Variants in CNTNAP2 observed in about 807,000 individuals in gnomAD.
CNTNAP2 encodes the protein contactin associated protein 2.
CNTNAP2 carries 98 observed loss-of-function variants against 155.2 expected under a neutral mutation model. The observed-to-expected ratio is 0.63, with a 90% confidence interval of 0.54 to 0.75. The LOEUF is 0.75. Among genes scored for constraint, CNTNAP2 ranks in the 30% least tolerant of loss-of-function variants. The probability of loss-of-function intolerance (pLI) is 0.00; values close to 1 mark genes in which losing one functional copy is unlikely to be tolerated. For missense variants in CNTNAP2, 1,727 were observed against 1,688.1 expected, an observed-to-expected ratio of 1.02 and a Z score of -0.40; for synonymous variants, 651 against 631.2, an observed-to-expected ratio of 1.03 and a Z score of -0.47.
intron 15 of CNTNAP2, among the ~76,000 whole-genome samples, chr7:148,116,381 A>G (rs80057375): frequency 0.011 from 1,647 of 152,284 alleles, 36 homozygotes; most frequent in African/African-American, 0.038. Flanking sequence ...CTTATCAGCA[A>G]TCAGAAACCA....
intron 1 of CNTNAP2, among the ~76,000 whole-genome samples, chr7:146,218,375 G>A (rs1198916867): frequency 2.6e-5 from 4 of 152,094 alleles, no homozygotes; most frequent in Non-Finnish European, 5.9e-5. Context: ...CGGGCGTGGT[G>A]GCGGGCGCCC....
intron 13 of CNTNAP2, among the ~76,000 whole-genome samples, chr7:147,873,416 G>T (rs1025250825): frequency 6.6e-6 from 1 of 152,158 alleles, no homozygotes; most frequent in Non-Finnish European, 1.5e-5. Context: ...GAACACAAAG[G>T]AAGGGCAAAG....
intron 1 of CNTNAP2, among the ~76,000 whole-genome samples, chr7:146,127,555 G>A (rs1349939373): frequency 2.6e-5 from 4 of 152,188 alleles, no homozygotes; most frequent in East Asian, 3.8e-4. Context: ...AAACCATGCT[G>A]TGAAAGCTTA....
chr7:148,109,308 C>T (rs116492550), intron 15 of CNTNAP2, among the ~76,000 whole-genome samples: 1,564 of 152,274 alleles, frequency 0.01, 18 homozygotes, highest in South Asian at 0.044. Flanking sequence ...TGCTTATTCT[C>T]ACCACCCAAT....
At chr7:147,781,868 A>T (rs907492164) in intron 13 of CNTNAP2, among the ~76,000 whole-genome samples, 1 of 151,952 alleles carries the variant, frequency 6.6e-6, no homozygotes, top group Admixed American at 6.6e-5. Flanking sequence ...CTACAAATAC[A>T]AAAAATTAGC....
chr7:148,242,702 C>T (rs1796181203), intron 20 of CNTNAP2, among the ~76,000 whole-genome samples: 1 of 152,218 alleles, frequency 6.6e-6, no homozygotes, highest in African/African-American at 2.4e-5. Flanking sequence ...CATCTCACTG[C>T]TCTGTCCCTG....
intron 10 of CNTNAP2, among the ~76,000 whole-genome samples, chr7:147,459,333 C>G (rs1304884254): frequency 6.6e-6 from 1 of 152,170 alleles, no homozygotes; most frequent in African/African-American, 2.4e-5. Context: ...ACCTCCAGTT[C>G]TATGATTTCA....
chr7:148,351,715 C>T (rs571274712), intron 21 of CNTNAP2, among the ~76,000 whole-genome samples: 2 of 123,324 alleles, frequency 1.6e-5, no homozygotes, highest in East Asian at 5.7e-4. Context: ...TGCACTCCAG[C>T]CTGGGCAACA....
intron 15 of CNTNAP2, among the ~76,000 whole-genome samples, chr7:148,111,203 A>T (rs553188368): frequency 1.3e-5 from 2 of 152,294 alleles, no homozygotes; most frequent in South Asian, 2.1e-4. Context: ...GAGATGTCAT[A>T]AAAGAAGGGA....
At chr7:147,392,722 G>T (rs942757315) in intron 9 of CNTNAP2, among the ~76,000 whole-genome samples, 3 of 151,922 alleles carry the variant, frequency 2.0e-5, no homozygotes, top group Non-Finnish European at 2.9e-5. Flanking sequence ...ATTCCATTGT[G>T]TATATGTATA....
chr7:146,259,114 A>G (rs1299225542), intron 1 of CNTNAP2, among the ~76,000 whole-genome samples: 1 of 152,146 alleles, frequency 6.6e-6, no homozygotes, highest in Non-Finnish European at 1.5e-5. Context: ...CCACCTTGTA[A>G]GAATGTGCTT....
chr7:146,274,890 G>GA (rs1248474745), intron 1 of CNTNAP2, among the ~76,000 whole-genome samples: 2 of 152,198 alleles, frequency 1.3e-5, no homozygotes, highest in African/African-American at 4.8e-5. Context: ...TTATCTCAGT[G>GA]AAATCAGTGG....
intron 8 of CNTNAP2, among the ~76,000 whole-genome samples, chr7:147,188,784 G>T (rs1802620403): frequency 1.3e-5 from 2 of 152,080 alleles, no homozygotes; most frequent in African/African-American, 2.4e-5. Flanking sequence ...GAACAAAGAA[G>T]ATTAATTTGA....
At chr7:146,635,142 A>C (rs1263498324) in intron 1 of CNTNAP2, among the ~76,000 whole-genome samples, 2 of 152,160 alleles carry the variant, frequency 1.3e-5, no homozygotes, top group Non-Finnish European at 2.9e-5. Context: ...CAAACATAGC[A>C]CACACAAAAT....
At chr7:148,101,799 T>G (rs1480709814) in intron 15 of CNTNAP2, among the ~76,000 whole-genome samples, 1 of 152,176 alleles carries the variant, frequency 6.6e-6, no homozygotes, top group Non-Finnish European at 1.5e-5. Context: ...AGTTTCAGAT[T>G]AGCGTAACCC....
At chr7:146,328,123 G>A (rs1381574001) in intron 1 of CNTNAP2, among the ~76,000 whole-genome samples, 1 of 152,184 alleles carries the variant, frequency 6.6e-6, no homozygotes, top group Non-Finnish European at 1.5e-5. Context: ...CCTGAGCTCA[G>A]CCTCTTGTCA....
At chr7:147,781,364 C>T (rs748419443) in intron 13 of CNTNAP2, among the ~76,000 whole-genome samples, 4 of 152,134 alleles carry the variant, frequency 2.6e-5, no homozygotes, top group African/African-American at 7.2e-5. Flanking sequence ...AATAAGTCAC[C>T]TAACTCCCTG....
intron 12 of CNTNAP2, among the ~76,000 whole-genome samples, chr7:147,584,957 T>C (rs568823913): frequency 3.3e-5 from 5 of 152,244 alleles, no homozygotes; most frequent in South Asian, 4.1e-4. Flanking sequence ...AGGACAGACG[T>C]TGATTGGCAT....
chr7:146,562,786 T>G (rs1018864998), intron 1 of CNTNAP2, among the ~76,000 whole-genome samples: 1 of 152,224 alleles, frequency 6.6e-6, no homozygotes, highest in Non-Finnish European at 1.5e-5. Context: ...TTCTAGGTTT[T>G]TTTATTTAAT....
Sources: gnomAD v4.1 joint callset for allele counts (sites outside exome capture counted in the v4.1 genomes callset) on GRCh38, gnomAD v4.1.1 for gene constraint, MANE v1.5 for transcripts, NCBI Gene and HGNC (gene_info 2026-07-23, HGNC 2026-07-21) for gene names.